The following FUT6 variants were observed in gnomAD, a reference collection of about 807,000 sequenced individuals.
The protein encoded by FUT6 is fucosyltransferase 6.
For synonymous variants in FUT6, 187 were observed against 209.9 expected (o/e 0.89, Z 0.94); for missense variants, 454 against 494.6 (o/e 0.92, Z 0.78).
intron 1 of FUT6, among the ~76,000 whole-genome samples, chr19:5,836,047 C>A (rs545113201): frequency 6.6e-6 from 1 of 152,024 alleles, no homozygotes; most frequent in East Asian, 1.9e-4. Flanking sequence ...CACCATCATG[C>A]CTGGCTAGTT....
At chr19:5,836,206 A>ATTTTCTTTTCTTTTC (rs112868050) in intron 1 of FUT6, among the ~76,000 whole-genome samples, 5,779 of 121,610 alleles carry the variant, frequency 0.048, 217 homozygotes, top group East Asian at 0.17. Context: ...GCTAATGTTA[A>ATTTTCTTTTCTTTTC]TTTTCTTTTC....
At chr19:5,835,927 C>T (rs935670694) in intron 1 of FUT6, among the ~76,000 whole-genome samples, 18 of 152,070 alleles carry the variant, frequency 1.2e-4, no homozygotes, top group Non-Finnish European at 2.6e-4. Flanking sequence ...CTTGCTCTGT[C>T]GCCCAGACTG....
chr19:5,833,040 G>T, intron 2 of FUT6: 1 of 177,934 alleles, frequency 5.6e-6, no homozygotes, highest in Admixed American at 5.4e-5. Flanking sequence ...AGATAGAGTA[G>T]ACCTGTGGGA....
At position 5,831,326 on chromosome 19, in the gene FUT6, AT is replaced by A; in HGVS notation, c.*161del. 6.4e-7 allele frequency: 1 copy of A among 1,554,236 alleles called. No individual in the cohort carries two copies. The highest frequency in any genetic ancestry group is 8.8e-7 in the Non-Finnish European group (1 of 1,135,012). ...GGAAAGTGAGGACCCAGGTAGGTGA[AT>A]CCCCAGGCAGGTGAAGCTGCAACAG... On this transcript the variant is annotated 3_prime_UTR_variant, in exon 3 of 3. Transcript: ENST00000318336. This position sits in a 1 kb window ranked among gnomAD's most constrained non-coding sequence, Gnocchi z 7.0.
At position 5,832,809 on chromosome 19, in the gene FUT6, G is replaced by C. The variant is rs545112030; in HGVS notation, c.-12-230C>G. ...TAGACAACAGGCCCTTTCTACATGGGCAAGGGTCCCTGGGGAAGTTGGGAG... is the reference window on the plus strand; with the variant it reads ...TAGACAACAGGCCCTTTCTACATGGCCAAGGGTCCCTGGGGAAGTTGGGAG... On this transcript the variant is annotated intron_variant, in intron 2 of 2. Transcript: ENST00000318336. This position sits in a 1 kb window ranked among gnomAD's most constrained non-coding sequence, Gnocchi z 4.3. 3.6e-6 allele frequency: 2 copies of C among 562,338 alleles called. No individual in the cohort carries two copies. Among genetic ancestry groups the C allele is most frequent in the South Asian group, 4.2e-5 (2 of 47,518 alleles). The allele number at this position is 562,338 out of a possible 1,614,324, so 34.8% of individuals were successfully genotyped here.
rs141349215 is a variant in FUT6, at chr19:5,831,830, G to C, written c.738C>G (p.Phe246Leu). 1.9e-6 allele frequency: 3 copies of C among 1,613,814 alleles called. No homozygotes were observed. Among genetic ancestry groups the C allele is most frequent in the Non-Finnish European group, 2.5e-6 (3 of 1,179,866 alleles). The change falls in exon 3 of 3, where the codon TTC (phenylalanine) becomes TTG (leucine). Residue 246 changes from phenylalanine (F) to leucine (L), a missense_variant. Transcript: ENST00000318336. The surrounding 1 kb of genome is among the most constrained non-coding windows in gnomAD (Gnocchi z 7.0). ...TLSRYKFYLA[F>L]ENSLHPDYIT... ...TGTAGTCGGGGTGCAAGGAGTTCTC[G>C]AAGGCCAGATAGAACTTGTACCGGG...
chr19:5,837,468 ATAAAACT>A (rs749966814), intron 1 of FUT6, among the ~76,000 whole-genome samples: 36 of 151,634 alleles, frequency 2.4e-4, no homozygotes, highest in Non-Finnish European at 4.9e-4. Flanking sequence ...AGATATCTCA[ATAAAACT>A]TTTTAAAGGC....
intron 1 of FUT6, among the ~76,000 whole-genome samples, chr19:5,835,295 A>G (rs1047818676): frequency 6.6e-6 from 1 of 152,156 alleles, no homozygotes; most frequent in Admixed American, 6.5e-5. Context: ...TGTTCCTTGC[A>G]GCCCTACAGC....
chr19:5,831,209 G>T lies in FUT6; in HGVS notation c.*279C>A, dbSNP rs1031450897. 4 of 764,220 alleles carry T rather than the reference G, an allele frequency of 5.2e-6. No individual in the cohort carries two copies. The East Asian group carries it at 7.4e-5, about 14-fold the overall frequency. The allele number at this position is 764,220 out of a possible 1,614,324, so 47.3% of individuals were successfully genotyped here. ...CCAGGAGACATCCCCAGCAGGCCAG[G>T]CTTCCGCAGGGGACGCTCCTGGAAG... On this transcript the variant is annotated 3_prime_UTR_variant, in exon 3 of 3. Transcript: ENST00000318336. The surrounding 1 kb of genome is among the most constrained non-coding windows in gnomAD (Gnocchi z 7.0).
Position 5,838,991 on chromosome 19 carries a change from T to C in FUT6, c.-455A>G, listed in dbSNP as rs2057218747. 1 of 152,178 alleles carries C rather than the reference T, an allele frequency of 6.6e-6. No individual in the cohort carries two copies. Among genetic ancestry groups the C allele is most frequent in the South Asian group, 2.1e-4 (1 of 4,828 alleles). 9.4% of individuals were successfully genotyped at this position (152,178 alleles called of 1,614,324 possible). On this transcript the variant is annotated 5_prime_UTR_variant, in exon 1 of 3. Coordinates refer to ENST00000318336, the MANE Select transcript of FUT6 (RefSeq NM_000150.4). ...TGCCCCACCTGTGGCTTCAATGCGA[T>C]GTGGCTTTGAGTACAAAGTGAAAAG...
chr19:5,831,824 G>A lies in FUT6; in HGVS notation c.744C>T (p.Asn248=). 2 of 1,613,956 alleles carry A rather than the reference G, an allele frequency of 1.2e-6. No individual in the cohort carries two copies. The highest frequency in any genetic ancestry group is 1.7e-6 in the Non-Finnish European group (2 of 1,179,866). The part of the protein sequence containing the change: ...SRYKFYLAFE[N]SLHPDYITEK... ...CGGTGATGTAGTCGGGGTGCAAGGAGTTCTCGAAGGCCAGATAGAACTTGT... is the reference window on the plus strand; with the variant it reads ...CGGTGATGTAGTCGGGGTGCAAGGAATTCTCGAAGGCCAGATAGAACTTGT... Residue 248 remains asparagine, a synonymous_variant, in exon 3 of 3, where the codon AAC becomes AAT. Transcript: ENST00000318336. The surrounding 1 kb of genome is among the most constrained non-coding windows in gnomAD (Gnocchi z 7.0).
Position 5,839,673 on chromosome 19 carries a change from G to GCTTTGCAAACT in FUT6, c.-1138_-1137insAGTTTGCAAAG, listed in dbSNP as rs2057225209. ...TCCTGCAGGGCAGTGCAAAGCAGAA[G>GCTTTGCAAACT]TCCAGGGAGCTATGCAAACTTCCTG... On this transcript the variant is annotated 5_prime_UTR_variant, in exon 1 of 3. Coordinates refer to ENST00000318336, the MANE Select transcript of FUT6 (RefSeq NM_000150.4). 2 of 152,244 alleles carry GCTTTGCAAACT rather than the reference G, an allele frequency of 1.3e-5. No homozygotes were observed. The highest frequency in any genetic ancestry group is 4.1e-4 in the South Asian group (2 of 4,832). 9.4% of individuals were successfully genotyped at this position (152,244 alleles called of 1,614,324 possible).
chr19:5,835,882 A>G (rs1308387958), intron 1 of FUT6, among the ~76,000 whole-genome samples: 2 of 152,172 alleles, frequency 1.3e-5, no homozygotes, highest in Non-Finnish European at 2.9e-5. Context: ...GGAAAAACAG[A>G]ATAGTTAATG....
intron 1 of FUT6, among the ~76,000 whole-genome samples, chr19:5,835,559 G>A (rs909404029): frequency 2.6e-5 from 4 of 152,080 alleles, no homozygotes; most frequent in Admixed American, 6.5e-5. Flanking sequence ...TGAGGTGGGC[G>A]GATTACCTGA....
rs1166700019 is a variant in FUT6, at chr19:5,832,519, GACAGCAGCGCCACGACC to G, written c.32_48del (p.Trp11SerfsTer30). 1 of 1,613,756 alleles carries G rather than the reference GACAGCAGCGCCACGACC, an allele frequency of 6.2e-7. No individual in the cohort carries two copies. On this transcript the variant is annotated frameshift_variant, in exon 3 of 3. Transcript: ENST00000318336. LOFTEE classifies it low-confidence loss of function (END_TRUNC). The surrounding 1 kb of genome is among the most constrained non-coding windows in gnomAD (Gnocchi z 4.3). ...AGCAGCTGAAACAGCAGCGTGGTCA[GACAGCAGCGCCACGACC>G]ACTGTGGCTTGGCCGGGCCCAGGGG...
At chr19:5,837,454 T>C (rs1225581906) in intron 1 of FUT6, among the ~76,000 whole-genome samples, 3 of 150,596 alleles carry the variant, frequency 2.0e-5, no homozygotes, top group Non-Finnish European at 4.4e-5. Context: ...AAAAACAGAA[T>C]GTCAGATATC....
In FUT6 at chr19:5,831,812, G is replaced by C; in HGVS notation, c.756C>G (p.Pro252=). Residue 252 remains proline (P), a synonymous_variant, in exon 3 of 3, where the codon CCC becomes CCG. Coordinates refer to ENST00000318336, the MANE Select transcript of FUT6 (RefSeq NM_000150.4). The surrounding 1 kb of genome is among the most constrained non-coding windows in gnomAD (Gnocchi z 7.0). ...TCCACAGCTTCTCGGTGATGTAGTC[G>C]GGGTGCAAGGAGTTCTCGAAGGCCA... is the stretch of plus-strand genomic sequence containing the variant. ...FYLAFENSLH[P]DYITEKLWRN... 1.2e-6 allele frequency: 2 copies of C among 1,613,910 alleles called. No homozygotes were observed. The highest frequency in any genetic ancestry group is 1.7e-4 in the Middle Eastern group (1 of 6,056).
At chr19:5,836,206 A>ATTTTATTTTCTTTTC (rs1555738046) in intron 1 of FUT6, among the ~76,000 whole-genome samples, 1 of 121,584 alleles carries the variant, frequency 8.2e-6, no homozygotes, top group South Asian at 2.6e-4. Context: ...GCTAATGTTA[A>ATTTTATTTTCTTTTC]TTTTCTTTTC....
chr19:5,836,236 A>G (rs1444352268), intron 1 of FUT6, among the ~76,000 whole-genome samples: 6 of 41,418 alleles, frequency 1.4e-4, no homozygotes, highest in African/African-American at 2.0e-4. Context: ...CTTTTTTGAG[A>G]CGGAGTTTCA....
Sources: gnomAD v4.1 joint callset for allele counts (sites outside exome capture counted in the v4.1 genomes callset) on GRCh38, gnomAD v4.1.1 for gene constraint, Gnocchi (gnomAD v3.1) non-coding constraint, MANE v1.5 for transcripts, NCBI Gene and HGNC (gene_info 2026-07-23, HGNC 2026-07-21) for gene names.